The following SLC27A6 variants were observed in gnomAD, a reference collection of about 807,000 sequenced individuals.
SLC27A6 encodes the protein long-chain fatty acid transport protein 6.
Under a neutral mutation model 63.9 loss-of-function variants are expected in SLC27A6, and 74 were observed. The observed-to-expected ratio is 1.16, with a 90% confidence interval of 0.96 to 1.40. SLC27A6 has a LOEUF of 1.40. SLC27A6 is among the 40% of genes most tolerant of loss of function. The pLI is 0.00. For synonymous variants in SLC27A6, 287 were observed against 260.8 expected, an observed-to-expected ratio of 1.10 and a Z score of -0.97; for missense variants, 794 against 732.9, an observed-to-expected ratio of 1.08 and a Z score of -0.96.
At position 129,009,547 on chromosome 5, in the gene SLC27A6, TCATTA is replaced by T. The variant is rs1413895883; in HGVS notation, c.970-6335_970-6331del. Among the ~76,000 whole-genome samples the T allele has an allele frequency of 4.6e-5, 7 of 152,366 alleles. No individual in the cohort carries two copies. The East Asian group carries it at 1.3e-3, about 29-fold the overall frequency. ...ATAGCTGAGACATACTGTATTTATT[TCATTA>T]CAACTTTTCTCTTTTCATTCCTTAT... is the stretch of plus-strand genomic sequence containing the variant. On this transcript the variant is annotated intron_variant, in intron 4 of 9. Coordinates refer to ENST00000262462, the MANE Select transcript of SLC27A6 (RefSeq NM_001017372.3).
At chr5:129,021,198 G>T (rs1304964569) in intron 5 of SLC27A6, among the ~76,000 whole-genome samples, 2 of 148,898 alleles carry the variant, frequency 1.3e-5, no homozygotes, top group African/African-American at 5.0e-5. Flanking sequence ...AAAGGTTTTA[G>T]ACAAAAAAAT....
intron 4 of SLC27A6, among the ~76,000 whole-genome samples, chr5:129,013,082 A>T (rs1751777697): frequency 6.6e-6 from 1 of 151,844 alleles, no homozygotes; most frequent in Admixed American, 6.6e-5. Context: ...CTTTAGTTAT[A>T]CATCCTTTTA....
intron 5 of SLC27A6, among the ~76,000 whole-genome samples, chr5:129,020,977 G>C (rs892635552): frequency 8.6e-5 from 13 of 151,718 alleles, no homozygotes; most frequent in African/African-American, 3.2e-4. Context: ...GCACGAACTG[G>C]TGCCAAATGG....
intron 4 of SLC27A6, among the ~76,000 whole-genome samples, chr5:129,010,799 G>A (rs1401322941): frequency 1.3e-5 from 2 of 152,056 alleles, no homozygotes; most frequent in East Asian, 3.9e-4. Context: ...GCATGAGCTT[G>A]GAAGGAGATA....
intron 4 of SLC27A6, among the ~76,000 whole-genome samples, chr5:129,008,155 A>T (rs1751609110): frequency 6.6e-6 from 1 of 152,150 alleles, no homozygotes; most frequent in Non-Finnish European, 1.5e-5. Flanking sequence ...TTCTTTTCCC[A>T]CATAACACTA....
chr5:129,011,860 G>A (rs931868999), intron 4 of SLC27A6, among the ~76,000 whole-genome samples: 3 of 152,082 alleles, frequency 2.0e-5, no homozygotes, highest in African/African-American at 7.2e-5. Flanking sequence ...GGAAGAGGAG[G>A]GAGACTTTAC....
chr5:128,981,473 T>G (rs1221431748), intron 1 of SLC27A6, among the ~76,000 whole-genome samples: 1 of 144,796 alleles, frequency 6.9e-6, no homozygotes, highest in Non-Finnish European at 1.5e-5. Flanking sequence ...AGAGTGAGAC[T>G]CCATCTCAAA....
chr5:128,992,229 C>T (rs922833616), intron 4 of SLC27A6, among the ~76,000 whole-genome samples: 5 of 136,848 alleles, frequency 3.7e-5, no homozygotes, highest in African/African-American at 1.4e-4. Context: ...GCAACAGAAC[C>T]TTGGCCTTTG....
intron 5 of SLC27A6, among the ~76,000 whole-genome samples, chr5:129,022,911 C>T (rs1195422476): frequency 6.6e-6 from 1 of 152,040 alleles, no homozygotes; most frequent in East Asian, 1.9e-4. Flanking sequence ...GACAAATGAG[C>T]CTGCATGATG....
rs202193188 is a variant in SLC27A6, at chr5:129,033,225, T to C, written c.1803T>C (p.Tyr601=). ...TCATGGATAACTTGAAAAAGTCTTATGTTCTACTGACCAGGGAACTTTATG... is the reference window on the plus strand; with the variant it reads ...TCATGGATAACTTGAAAAAGTCTTACGTTCTACTGACCAGGGAACTTTATG... ...LYFMDNLKKS[Y]VLLTRELYDQ... The change falls in exon 10 of 10, where the codon TAT becomes TAC. Residue 601 remains tyrosine (Y), a synonymous_variant. Coordinates refer to ENST00000262462, the MANE Select transcript of SLC27A6 (RefSeq NM_001017372.3). 35 of 1,599,012 alleles carry C rather than the reference T, an allele frequency of 2.2e-5. No homozygotes were observed. The highest frequency in any genetic ancestry group is 5.6e-5 in the South Asian group (5 of 89,212).
At chr5:129,009,671 TTG>T (rs71000903) in intron 4 of SLC27A6, among the ~76,000 whole-genome samples, 104,723 of 148,990 alleles carry the variant, frequency 0.7, 37,064 homozygotes, top group East Asian at 0.96. Flanking sequence ...TAACATTTCT[TTG>T]TGTGTGTGTG....
chr5:128,986,175 G>A (rs888584852), intron 2 of SLC27A6, among the ~76,000 whole-genome samples: 25 of 152,104 alleles, frequency 1.6e-4, no homozygotes, highest in African/African-American at 5.3e-4. Flanking sequence ...ATAGCCAGAT[G>A]TGGTGGCATG....
intron 1 of SLC27A6, among the ~76,000 whole-genome samples, chr5:128,974,763 T>C (rs558608910): frequency 6.6e-6 from 1 of 152,308 alleles, no homozygotes; most frequent in South Asian, 2.1e-4. Context: ...AAAGATAATA[T>C]CATCAGTTAC....
At chr5:128,985,715 TGAA>T (rs948637610) in intron 2 of SLC27A6, among the ~76,000 whole-genome samples, 19 of 152,210 alleles carry the variant, frequency 1.2e-4, no homozygotes, top group African/African-American at 4.6e-4. Context: ...ATATCTAAAA[TGAA>T]GAAATTAGTT....
chr5:129,019,060 G>A (rs1012834264), intron 5 of SLC27A6, among the ~76,000 whole-genome samples: 3 of 152,038 alleles, frequency 2.0e-5, no homozygotes, highest in African/African-American at 7.2e-5. Flanking sequence ...ATCTGGGAGG[G>A]AAGCAGCCTC....
At chr5:129,017,468 C>T (rs1218140178) in intron 5 of SLC27A6, among the ~76,000 whole-genome samples, 1 of 151,796 alleles carries the variant, frequency 6.6e-6, no homozygotes, top group African/African-American at 2.4e-5. Context: ...CAGTAACTAT[C>T]TCTATAAGTT....
intron 4 of SLC27A6, among the ~76,000 whole-genome samples, chr5:128,996,697 CCTG>C (rs1283089434): frequency 6.6e-6 from 1 of 151,966 alleles, no homozygotes; most frequent in African/African-American, 2.4e-5. Context: ...AGAAAGGAAA[CCTG>C]CTTTCTTTTC....
chr5:128,971,324 G>A (rs562996044), intron 1 of SLC27A6, among the ~76,000 whole-genome samples: 2 of 151,820 alleles, frequency 1.3e-5, no homozygotes, highest in Non-Finnish European at 2.9e-5. Flanking sequence ...GTTAACTTTT[G>A]GTCTCATTGA....
chr5:129,008,793 G>A (rs1751629931), intron 4 of SLC27A6, among the ~76,000 whole-genome samples: 1 of 151,862 alleles, frequency 6.6e-6, no homozygotes, highest in African/African-American at 2.4e-5. Context: ...CATTTATGTA[G>A]GTCTAAGGAA....
Sources: gnomAD v4.1 joint callset for allele counts (sites outside exome capture counted in the v4.1 genomes callset) on GRCh38, gnomAD v4.1.1 for gene constraint, MANE v1.5 for transcripts, NCBI Gene and HGNC (gene_info 2026-07-23, HGNC 2026-07-21) for gene names.